Variants in TMTC2 observed in about 807,000 individuals in gnomAD.
TMTC2 encodes protein O-mannosyl-transferase TMTC2.
In TMTC2, 43 loss-of-function variants were observed where a neutral mutation model predicts 82.4. That is an observed-to-expected ratio of 0.52 (90% CI 0.41 to 0.67). The LOEUF (loss-of-function observed/expected upper bound fraction) is 0.67. Ranked by LOEUF, TMTC2 falls within the 30% of genes least tolerant of loss-of-function variation. The pLI is 0.00. For missense variants in TMTC2, 919 were observed against 1,012.4 expected (o/e 0.91, Z 1.25); for synonymous variants, 408 against 381.9 (o/e 1.07, Z -0.80).
chr12:82,960,160 A>T (rs1278164516), intron 4 of TMTC2, among the ~76,000 whole-genome samples: 1 of 152,084 alleles, frequency 6.6e-6, no homozygotes, highest in African/African-American at 2.4e-5. Flanking sequence ...TAAAAAGTCA[A>T]AAAAACAATA....
chr12:82,993,754 G>A (rs1879497855), intron 8 of TMTC2, among the ~76,000 whole-genome samples: 1 of 152,158 alleles, frequency 6.6e-6, no homozygotes, highest in Admixed American at 6.5e-5. Flanking sequence ...GTCATAGTCA[G>A]CGACTCTCTG....
At chr12:82,907,558 G>GA (rs971409525) in intron 3 of TMTC2, among the ~76,000 whole-genome samples, 112 of 151,750 alleles carry the variant, frequency 7.4e-4, no homozygotes, top group Non-Finnish European at 1.4e-3. Context: ...TGTGGGGCAG[G>GA]AAAAAAAATC....
At chr12:82,827,683 T>TTTTC (rs141986446) in intron 1 of TMTC2, among the ~76,000 whole-genome samples, 1 of 150,582 alleles carries the variant, frequency 6.6e-6, no homozygotes, top group Non-Finnish European at 1.5e-5. Context: ...CTTTCTTTTA[T>TTTTC]TTTCTTTCTT....
At chr12:83,118,686 A>G (rs1482111515) in intron 11 of TMTC2, among the ~76,000 whole-genome samples, 1 of 152,212 alleles carries the variant, frequency 6.6e-6, no homozygotes, top group Non-Finnish European at 1.5e-5. Context: ...CTGGCTTCAT[A>G]GAATGAATTA....
chr12:82,833,512 A>G (rs549284185), intron 1 of TMTC2, among the ~76,000 whole-genome samples: 91 of 152,334 alleles, frequency 6.0e-4, no homozygotes, highest in Admixed American at 1.4e-3. Flanking sequence ...GCAATTAAAC[A>G]TATCTATTTC....
intron 1 of TMTC2, among the ~76,000 whole-genome samples, chr12:82,705,771 T>C (rs377189321): frequency 1.1e-4 from 16 of 152,262 alleles, no homozygotes; most frequent in African/African-American, 3.4e-4. Flanking sequence ...CTTAGCCGTG[T>C]TAGGGATCAT....
intron 7 of TMTC2, among the ~76,000 whole-genome samples, chr12:82,974,378 C>T (rs1592668025): frequency 6.6e-6 from 1 of 152,054 alleles, no homozygotes; most frequent in South Asian, 2.1e-4. Flanking sequence ...TATGTTACAC[C>T]TGGAAAATTC....
At chr12:83,065,565 A>G (rs915514579) in intron 11 of TMTC2, among the ~76,000 whole-genome samples, 2 of 151,962 alleles carry the variant, frequency 1.3e-5, no homozygotes, top group Admixed American at 1.3e-4. Flanking sequence ...ACCTTATAAT[A>G]CATTAAAACA....
intron 9 of TMTC2, among the ~76,000 whole-genome samples, chr12:83,032,257 TTATATATATATATATATATATATA>T (rs57604518): frequency 1.5e-5 from 2 of 130,834 alleles, no homozygotes; most frequent in African/African-American, 5.9e-5. Context: ...AGAGAATATT[TTATATATATATATATATATATATA>T]TATATATATA....
At chr12:82,976,582 CTG>C (rs1361437977) in intron 7 of TMTC2, among the ~76,000 whole-genome samples, 1 of 152,070 alleles carries the variant, frequency 6.6e-6, no homozygotes, top group East Asian at 1.9e-4. Flanking sequence ...TTCAATACTA[CTG>C]TACTGTAGCC....
chr12:83,048,774 T>C (rs1466870500), intron 9 of TMTC2, among the ~76,000 whole-genome samples: 1 of 152,194 alleles, frequency 6.6e-6, no homozygotes, highest in African/African-American at 2.4e-5. Context: ...GTTCAAGCAA[T>C]TCTCCTGCCT....
At chr12:82,766,979 A>G (rs1877000952) in intron 1 of TMTC2, among the ~76,000 whole-genome samples, 2 of 151,954 alleles carry the variant, frequency 1.3e-5, no homozygotes, top group African/African-American at 2.4e-5. Context: ...TTTTGTGTGT[A>G]TTTTTAGTAG....
chr12:82,989,644 T>G (rs1592677939), intron 8 of TMTC2, among the ~76,000 whole-genome samples: 1 of 151,872 alleles, frequency 6.6e-6, no homozygotes, highest in East Asian at 1.9e-4. Flanking sequence ...ACCATGGCAC[T>G]CGATATAGAA....
At chr12:83,008,939 A>G (rs1167682870) in intron 8 of TMTC2, among the ~76,000 whole-genome samples, 2 of 152,156 alleles carry the variant, frequency 1.3e-5, no homozygotes, top group African/African-American at 2.4e-5. Context: ...GTAGTCCACT[A>G]TTATACAGAA....
chr12:82,854,852 A>T (rs1422662445), intron 1 of TMTC2, among the ~76,000 whole-genome samples: 1 of 152,154 alleles, frequency 6.6e-6, no homozygotes, highest in Admixed American at 6.5e-5. Context: ...TCAACTTCTG[A>T]TCGGCCTATT....
intron 9 of TMTC2, among the ~76,000 whole-genome samples, chr12:83,050,328 TA>T (rs149545241): frequency 0.3 from 46,034 of 151,974 alleles, 7,090 homozygotes; most frequent in East Asian, 0.46. Flanking sequence ...GATAGCATTA[TA>T]TAATAATTTT....
At chr12:82,942,958 T>C (rs1050939823) in intron 4 of TMTC2, among the ~76,000 whole-genome samples, 3 of 152,244 alleles carry the variant, frequency 2.0e-5, no homozygotes, top group Non-Finnish European at 4.4e-5. Context: ...AAATTTTATC[T>C]TGCAGCATTC....
At chr12:82,855,078 T>C (rs1871189810) in intron 1 of TMTC2, among the ~76,000 whole-genome samples, 2 of 152,194 alleles carry the variant, frequency 1.3e-5, no homozygotes, top group Admixed American at 6.5e-5. Context: ...TGAACAATTA[T>C]ACATGTTTAT....
chr12:82,695,304 T>G (rs1172324748), intron 1 of TMTC2, among the ~76,000 whole-genome samples: 1 of 152,246 alleles, frequency 6.6e-6, no homozygotes, highest in East Asian at 1.9e-4. Context: ...CTGTGTCTTA[T>G]GAAATTCTGT....
Sources: gnomAD v4.1 joint callset for allele counts (sites outside exome capture counted in the v4.1 genomes callset) on GRCh38, gnomAD v4.1.1 for gene constraint, MANE v1.5 for transcripts, NCBI Gene and HGNC (gene_info 2026-07-23, HGNC 2026-07-21) for gene names.